Variants in PTGR1 observed in about 807,000 individuals in gnomAD.
The protein encoded by PTGR1 is 15-oxoprostaglandin 13-reductase.
A neutral mutation model predicts 37.7 loss-of-function variants in PTGR1; 23 were observed. The ratio of observed to expected loss-of-function variants is 0.61; its 90% CI spans 0.44 to 0.86. The LOEUF is 0.86. Among genes scored for constraint, PTGR1 ranks in the 40% least tolerant of loss-of-function variants. The pLI is 0.00. For missense variants in PTGR1, 351 were observed against 394.3 expected (o/e 0.89, Z 0.93); for synonymous variants, 134 against 140.0 (o/e 0.96, Z 0.30).
intron 1 of PTGR1, 178 bp downstream of exon 1, chr9:111,599,425 T>C (rs1370940503): frequency 6.6e-6 from 1 of 152,096 alleles, no homozygotes; most frequent in Admixed American, 6.6e-5. Context: ...GCGGGAGGCG[T>C]CGGGACGTCG....
At chr9:111,560,636 C>CAAAAAAAA (rs1015199330), downstream of PTGR1, among the ~76,000 whole-genome samples, 1 of 26,296 alleles carries the variant, frequency 3.8e-5, no homozygotes, top group Non-Finnish European at 6.8e-5. Flanking sequence ...GACACCATCT[C>CAAAAAAAA]AAAAAAAAAA....
chr9:111,570,793 A>G (rs1484924848), intron 8 of PTGR1, among the ~76,000 whole-genome samples: 2 of 152,084 alleles, frequency 1.3e-5, no homozygotes. Context: ...AAATAAAAAG[A>G]AAAAAAGAAC....
chr9:111,560,974 T>G (rs868301263), downstream of PTGR1, among the ~76,000 whole-genome samples: 2,263 of 8,972 alleles, frequency 0.25, 36 homozygotes, highest in South Asian at 0.3. Flanking sequence ...TATATATATA[T>G]AGAGAGAGAG....
At chr9:111,577,434 A>G (rs1409496805) in intron 7 of PTGR1, 4 of 152,208 alleles carry the variant, frequency 2.6e-5, no homozygotes, top group Non-Finnish European at 5.9e-5. Flanking sequence ...TGAAATTATC[A>G]TATGACCCAG....
chr9:111,577,373 T>A (rs897926082), intron 7 of PTGR1: 3 of 152,212 alleles, frequency 2.0e-5, no homozygotes, highest in African/African-American at 7.2e-5. Flanking sequence ...GAATGTAAAG[T>A]ACTGTAGCCA....
chr9:111,585,707 C>T (rs1829407493), intron 5 of PTGR1, among the ~76,000 whole-genome samples: 1 of 152,138 alleles, frequency 6.6e-6, no homozygotes, highest in Non-Finnish European at 1.5e-5. Context: ...CTGTGCCTGG[C>T]TTATTTCACT....
intron 9 of PTGR1, among the ~76,000 whole-genome samples, chr9:111,554,344 A>G (rs1828059940): frequency 6.6e-6 from 1 of 152,204 alleles, no homozygotes; most frequent in Non-Finnish European, 1.5e-5. Flanking sequence ...GAGATCAATC[A>G]TATAACCCTA....
intron 3 of PTGR1, among the ~76,000 whole-genome samples, chr9:111,593,343 G>A (rs771977917): frequency 2.0e-5 from 3 of 152,054 alleles, no homozygotes; most frequent in Non-Finnish European, 4.4e-5. Context: ...CACTAGCTAC[G>A]CAAAAAGATG....
At position 111,574,747 on chromosome 9, in the gene PTGR1, G is replaced by A; in HGVS notation, c.747C>T (p.Gly249=). 1 of 1,612,412 alleles carries A rather than the reference G, an allele frequency of 6.2e-7. No individual in the cohort carries two copies. The highest frequency in any genetic ancestry group is 1.7e-4 in the Middle Eastern group (1 of 6,046). The change falls in exon 8 of 10, where the codon GGC becomes GGT. Residue 249 remains glycine, a synonymous_variant. Transcript: ENST00000407693. ...CGAISTYNRT[G]PLPPGPPPEI... ...TGTGCTCATTACCTGGGGGAAGTGG[G>A]CCGGTTCTGTTATATGTAGAGATGG...
intron 9 of PTGR1, among the ~76,000 whole-genome samples, chr9:111,566,348 T>C (rs556791717): frequency 4.0e-4 from 61 of 152,300 alleles, no homozygotes; most frequent in African/African-American, 1.4e-3. Context: ...TTTCACCAAC[T>C]GGGACAACTT....
In PTGR1 at chr9:111,562,960, T is replaced by A. The variant is rs1046896536; in HGVS notation, c.*161A>T. On this transcript the variant is annotated 3_prime_UTR_variant, in exon 10 of 10. Transcript: ENST00000407693. The stretch of plus-strand genomic sequence containing the variant: ...TTGACTTTGAAACTTCCATCCTCCA[T>A]CACTAATTACATACCACTTAAATGT... The A allele has an allele frequency of 3.6e-6, 5 of 1,396,872 alleles. No homozygotes were observed. Among genetic ancestry groups the A allele is most frequent in the Non-Finnish European group, 4.6e-6 (5 of 1,078,502 alleles). The allele number at this position is 1,396,872 out of a possible 1,614,324, so 86.5% of individuals were successfully genotyped here.
intron 9 of PTGR1, among the ~76,000 whole-genome samples, chr9:111,552,819 A>G (rs892572240): frequency 6.6e-6 from 1 of 152,152 alleles, no homozygotes; most frequent in African/African-American, 2.4e-5. Flanking sequence ...CTATTAGCAA[A>G]AATATATTCT....
At position 111,594,203 on chromosome 9, in the gene PTGR1, G is replaced by A. The variant is rs767768122; in HGVS notation, c.152+19C>T. On this transcript the variant is annotated intron_variant, in intron 3 of 9. Transcript: ENST00000407693. ...ATTTAACACAGCATTAGCATTTTGA[G>A]GGGCGAAATAAATAATACCTCATGT... 1.9e-6 allele frequency: 3 copies of A among 1,603,566 alleles called. No homozygotes were observed. The highest frequency in any genetic ancestry group is 2.6e-6 in the Non-Finnish European group (3 of 1,170,452).
At chr9:111,558,147 G>A (rs1023481570), downstream of PTGR1, among the ~76,000 whole-genome samples, 14 of 151,766 alleles carry the variant, frequency 9.2e-5, no homozygotes, top group Admixed American at 5.2e-4. Flanking sequence ...ACTCTGTCTC[G>A]GAAAAAAAAA....
At chr9:111,592,375 A>C (rs933738363) in intron 4 of PTGR1, 3 of 152,906 alleles carry the variant, frequency 2.0e-5, no homozygotes, top group African/African-American at 7.2e-5. Flanking sequence ...ACTTCTGCAT[A>C]CAGATGTATG....
intron 6 of PTGR1, among the ~76,000 whole-genome samples, chr9:111,581,420 C>T (rs1196976221): frequency 6.6e-6 from 1 of 152,046 alleles, no homozygotes; most frequent in South Asian, 2.1e-4. Context: ...AAGTTGCAGG[C>T]AGGATTAAAC....
At chr9:111,565,347 A>G (rs1828510443) in intron 9 of PTGR1, among the ~76,000 whole-genome samples, 1 of 152,184 alleles carries the variant, frequency 6.6e-6, no homozygotes, top group South Asian at 2.1e-4. Context: ...ACTGTGAGAA[A>G]ATAAGTTTGT....
At chr9:111,571,071 A>G (rs1223389279) in intron 8 of PTGR1, among the ~76,000 whole-genome samples, 3 of 132,752 alleles carry the variant, frequency 2.3e-5, no homozygotes, top group Non-Finnish European at 3.4e-5. Context: ...CTTCAGAAGG[A>G]ATGCAGCCCT....
intron 9 of PTGR1, among the ~76,000 whole-genome samples, chr9:111,551,742 T>G (rs1827963722): frequency 6.6e-6 from 1 of 152,212 alleles, no homozygotes; most frequent in African/African-American, 2.4e-5. Flanking sequence ...TAACAAAACT[T>G]TTATTAGAAA....
Sources: allele counts gnomAD v4.1 joint callset (sites outside exome capture counted in the v4.1 genomes callset), GRCh38; gene constraint gnomAD v4.1.1; transcripts MANE v1.5; gene names NCBI Gene and HGNC (gene_info 2026-07-23, HGNC 2026-07-21).